TTN: variants seen among roughly 807,000 people sequenced by gnomAD.
The protein encoded by TTN is connectin.
In TTN, 1,525 loss-of-function variants were observed where a neutral mutation model predicts 3,223.0. That is an observed-to-expected ratio of 0.47 (90% CI 0.45 to 0.49). TTN has a LOEUF of 0.49. Ranked by LOEUF, TTN falls within the 20% of genes least tolerant of loss-of-function variation. The pLI, the probability that TTN is intolerant of heterozygous loss-of-function variation, is 0.00. For synonymous variants in TTN, 14,094 were observed against 15,161.0 expected, an observed-to-expected ratio of 0.93 and a Z score of 5.17; for missense variants, 40,786 against 43,424.0, an observed-to-expected ratio of 0.94 and a Z score of 5.40.
intron 112 of TTN, among the ~76,000 whole-genome samples, chr2:178,698,111 A>T (rs1202378197): frequency 6.6e-6 from 1 of 152,230 alleles, no homozygotes; most frequent in African/African-American, 2.4e-5. Flanking sequence ...ATAGAACTGG[A>T]GATTATGCTA....
At chr2:178,702,717 T>C in intron 106 of TTN, 54 bp from the exon 107 acceptor site, 2 of 1,480,496 alleles carry the variant, frequency 1.4e-6, no homozygotes, top group Non-Finnish European at 1.8e-6. Context: ...GGAATTTCTT[T>C]TACTTGCTTT....
In TTN at chr2:178,595,780, G is replaced by C; in HGVS notation, c.57574C>G (p.Leu19192Val). 1.9e-6 allele frequency: 3 copies of C among 1,606,970 alleles called. No individual in the cohort carries two copies. The highest frequency in any genetic ancestry group is 2.5e-6 in the Non-Finnish European group (3 of 1,176,776). Residue 19192 changes from leucine to valine, a missense_variant, in exon 295 of 363, where the codon CTA becomes GTA. By Grantham distance (32) the Leu-to-Val change is conservative. Transcript: ENST00000589042. The part of the protein sequence containing the change: ...DVPGPVGTPF[L>V]AHNLTNESCK... Reference sequence around the variant, plus strand: ...GACTCATTGGTTAGGTTGTGAGCTAGGAATGGTGTTCCAACGGGACCTGGA... The same window carrying C: ...GACTCATTGGTTAGGTTGTGAGCTACGAATGGTGTTCCAACGGGACCTGGA...
rs1691894622 is a variant in TTN at position 178,536,994 on chromosome 2, A to G, written c.100115T>C (p.Phe33372Ser). The G allele has an allele frequency of 1.9e-6, 3 of 1,613,422 alleles. No homozygotes were observed. Among genetic ancestry groups the G allele is most frequent in the Non-Finnish European group, 2.5e-6 (3 of 1,179,606 alleles). The change falls in exon 356 of 363, where the codon TTC (phenylalanine) becomes TCC (serine). Residue 33372 changes from phenylalanine to serine, a missense_variant. Phe to Ser is a radical substitution (Grantham distance 155, BLOSUM62 -2). Coordinates refer to ENST00000589042, the MANE Select transcript of TTN (RefSeq NM_001267550.2). ...YYFRVSAQNT[F>S]GISDPLEVSS... ...CACTTCTAGAGGGTCACTGATGCCG[A>G]AAGTGTTCTGAGCTGAAACCCGGAA...
At position 178,739,668 on chromosome 2, in the gene TTN, G is replaced by A; in HGVS notation, c.13565C>T (p.Pro4522Leu). 3 of 1,613,814 alleles carry A rather than the reference G, an allele frequency of 1.9e-6. No individual in the cohort carries two copies. Among genetic ancestry groups the A allele is most frequent in the Non-Finnish European group, 2.5e-6 (3 of 1,179,824 alleles). ...GSQKVEPITE[P>L]EVESKYLIST... Reference sequence around the variant, plus strand: ...GATCAGATATTTAGATTCAACTTCTGGTTCAGTAATGGGTTCAACCTTCTG... The same window carrying A: ...GATCAGATATTTAGATTCAACTTCTAGTTCAGTAATGGGTTCAACCTTCTG... Residue 4522 changes from proline to leucine, a missense_variant, in exon 48 of 363, where the codon CCA (proline) becomes CTA (leucine). Physicochemically the swap from Pro to Leu is moderately conservative, Grantham distance 98 (BLOSUM62 -3). Coordinates refer to ENST00000589042, the MANE Select transcript of TTN (RefSeq NM_001267550.2).
chr2:178,552,824 T>G lies in TTN; in HGVS notation c.90076A>C (p.Lys30026Gln). The change falls in exon 335 of 363, where the codon AAG (lysine) becomes CAG (glutamine). Residue 30026 changes from lysine (K) to glutamine (Q), a missense_variant. Physicochemically the swap from Lys to Gln is moderately conservative, Grantham distance 53. Coordinates refer to ENST00000589042, the MANE Select transcript of TTN (RefSeq NM_001267550.2). ...GEPCETTEPV[K>Q]AAEVPAPIRD... Reference sequence around the variant, plus strand: ...ATAGGAGCTGGTACTTCAGCAGCCTTCACTGGCTCTGTAGTTTCACAGGGT... The same window carrying G: ...ATAGGAGCTGGTACTTCAGCAGCCTGCACTGGCTCTGTAGTTTCACAGGGT... 1 of 1,613,728 alleles carries G rather than the reference T, an allele frequency of 6.2e-7. No homozygotes were observed. The highest frequency in any genetic ancestry group is 1.7e-5 in the Admixed American group (1 of 59,982).
intron 163 of TTN, 121 bp from the exon 164 acceptor site, chr2:178,665,912 C>T (rs563552329): frequency 6.8e-6 from 3 of 438,076 alleles, no homozygotes; most frequent in African/African-American, 2.0e-5. Context: ...CCCCCAGAAT[C>T]GGATCTTTTG....
rs952349890 is a variant in TTN, at chr2:178,541,724, C to T, written c.97493-140G>A. The T allele has an allele frequency of 4.6e-5, 24 of 525,256 alleles. No individual in the cohort carries two copies. The Admixed American group carries it at 8.3e-4, about 18-fold the overall frequency. 32.5% of individuals were successfully genotyped at this position (525,256 alleles called of 1,614,324 possible). A position where few individuals can be genotyped will look rare whatever the true frequency, so the allele number is the denominator to read the frequency against. The stretch of plus-strand genomic sequence containing the variant: ...CATGACTATTTTTCCAATAGTTTCA[C>T]TTTTGTACTATTTGTAAATTTTAAT... On this transcript the variant is annotated intron_variant, in intron 349 of 362. Coordinates refer to ENST00000589042, the MANE Select transcript of TTN (RefSeq NM_001267550.2).
chr2:178,592,055 C>A lies in TTN; in HGVS notation c.59849G>T (p.Arg19950Leu), dbSNP rs374914334. ...HLNEGNQYLF[R>L]VAAENQYGRG... is the part of the protein sequence containing the mutation. ...TCCATACTGGTTCTCCGCAGCTACT[C>A]GGAAGAGGTACTGGTTGCCTTCATT... The change falls in exon 302 of 363, where the codon CGA becomes CTA. Residue 19950 changes from arginine (R) to leucine (L), a missense_variant. Physicochemically the swap from Arg to Leu is moderately radical, Grantham distance 102. Coordinates refer to ENST00000589042, the MANE Select transcript of TTN (RefSeq NM_001267550.2). 1 of 1,613,050 alleles carries A rather than the reference C, an allele frequency of 6.2e-7. No homozygotes were observed. The highest frequency in any genetic ancestry group is 1.1e-5 in the South Asian group (1 of 91,042).
chr2:178,751,659 G>C (rs1309005308), intron 47 of TTN: 1 of 1,613,246 alleles, frequency 6.2e-7, no homozygotes, highest in Non-Finnish European at 8.5e-7. Flanking sequence ...TTAATTGCTA[G>C]TAACCTATAA....
In TTN at chr2:178,692,042, T is replaced by C. The variant is rs1376703360; in HGVS notation, c.31736A>G (p.Lys10579Arg). ...TTTTGGGGGAGCAGCAGGTTCCTTC[T>C]TAGGCACAGGAACTGGCTTTTTCTC... ...PEEKKPVPVP[K>R]KEPAAPPKVP... Residue 10579 changes from lysine (K) to arginine (R), a missense_variant, in exon 121 of 363, where the codon AAG becomes AGG. Lys to Arg is a conservative substitution (Grantham distance 26). Coordinates refer to ENST00000589042, the MANE Select transcript of TTN (RefSeq NM_001267550.2). The C allele has an allele frequency of 1.9e-6, 3 of 1,613,190 alleles. No homozygotes were observed. In the East Asian group the frequency reaches 6.7e-5, roughly 36 times the overall value.
At position 178,712,329 on chromosome 2, in the gene TTN, T is replaced by C. The variant is rs368297438; in HGVS notation, c.27593A>G (p.Gln9198Arg). Reference protein sequence around the residue: ...NASGKDSCSAQILILEPPYFV... With the variant: ...NASGKDSCSARILILEPPYFV... The stretch of plus-strand genomic sequence containing the variant: ...TCATGACAAACCTAGTATGAGTATT[T>C]GTGCTGAACAGGAATCTTTTCCAGA... Residue 9198 changes from glutamine (Q) to arginine (R), a missense_variant, in exon 95 of 363, where the codon CAA becomes CGA. Coordinates refer to ENST00000589042, the MANE Select transcript of TTN (RefSeq NM_001267550.2). 59 of 1,613,412 alleles carry C rather than the reference T, an allele frequency of 3.7e-5. No homozygotes were observed. The African/African-American group carries it at 7.5e-4, about 20-fold the overall frequency.
rs769472573 is a variant in TTN, at chr2:178,602,073, C to T, written c.55198G>A (p.Ala18400Thr). 32 of 1,612,740 alleles carry T rather than the reference C, an allele frequency of 2.0e-5. 1 individual carries two copies. In the South Asian group the frequency reaches 3.5e-4, roughly 18 times the overall value. ...CKAGSQIRIPAVIKGRPTPKS... is the reference protein window; with the variant it reads ...CKAGSQIRIPTVIKGRPTPKS... ...GGTGTTGGGCGTCCCTTGATGACAGCAGGAATCCTAATCTGTGAGCCAGCT... is the reference window on the plus strand; with the variant it reads ...GGTGTTGGGCGTCCCTTGATGACAGTAGGAATCCTAATCTGTGAGCCAGCT... Residue 18400 changes from alanine (A) to threonine (T), a missense_variant, in exon 284 of 363, where the codon GCT (alanine) becomes ACT (threonine). Transcript: ENST00000589042.
chr2:178,770,013 A>G (rs2091236425), intron 36 of TTN, 47 bp downstream of exon 36: 2 of 1,614,062 alleles, frequency 1.2e-6, no homozygotes, highest in African/African-American at 1.3e-5. Context: ...AAATAGATAC[A>G]TGGGGTTCAT....
chr2:178,788,528 T>C (rs186521638), intron 13 of TTN, among the ~76,000 whole-genome samples: 1 of 152,150 alleles, frequency 6.6e-6, no homozygotes, highest in South Asian at 2.1e-4. Flanking sequence ...AAAAAAAAGA[T>C]GTAGAGTCAG....
At chr2:178,644,973 GA>G (rs1371672278) in intron 217 of TTN, 1 of 218,314 alleles carries the variant, frequency 4.6e-6, no homozygotes, top group Non-Finnish European at 9.0e-6. Context: ...AGAGGTGCCA[GA>G]AGGTCCCCCT....
chr2:178,736,823 A>G (rs2081533233), intron 49 of TTN, among the ~76,000 whole-genome samples: 1 of 152,202 alleles, frequency 6.6e-6, no homozygotes, highest in Non-Finnish European at 1.5e-5. Flanking sequence ...ACCAGAGTGA[A>G]AAGCACTGGT....
At chr2:178,752,025 C>T in intron 47 of TTN, 1 of 1,582,936 alleles carries the variant, frequency 6.3e-7, no homozygotes, top group Non-Finnish European at 8.5e-7. Context: ...TCAGATTCCC[C>T]CTCAGAGAAT....
At position 178,740,404 on chromosome 2, in the gene TTN, T is replaced by C. The variant is rs1186759465; in HGVS notation, c.12829A>G (p.Ser4277Gly). The C allele has an allele frequency of 1.2e-6, 2 of 1,613,136 alleles. No individual in the cohort carries two copies. The highest frequency in any genetic ancestry group is 1.1e-5 in the South Asian group (1 of 90,982). Reference protein sequence around the residue: ...LAEGHVESLQSPDVMISQVNY... With the variant: ...LAEGHVESLQGPDVMISQVNY... ...ACCTGAGAGATCATGACATCAGGAC[T>C]CTGGAGACTCTCCACGTGTCCCTCA... Residue 4277 changes from serine to glycine, a missense_variant, in exon 48 of 363, where the codon AGT (serine) becomes GGT (glycine). Physicochemically the swap from Ser to Gly is moderately conservative, Grantham distance 56 (BLOSUM62 0). Transcript: ENST00000589042.
rs758104098 is a variant in TTN at position 178,709,849 on chromosome 2, G to A, written c.28470C>T (p.Leu9490=). The A allele has an allele frequency of 2.5e-6, 4 of 1,610,140 alleles. No homozygotes were observed. The highest frequency in any genetic ancestry group is 1.7e-4 in the Middle Eastern group (1 of 6,044). Residue 9490 remains leucine, a synonymous_variant, in exon 99 of 363, where the codon CTC becomes CTT. Coordinates refer to ENST00000589042, the MANE Select transcript of TTN (RefSeq NM_001267550.2). ...GTCTTTTAGTGAAACTTGGTGGGAT[G>A]AGCCGCTCTATAAGAAATTGCAAGG... ...CTAQLNIKER[L]IPPSFTKRLS...
Sources: gnomAD v4.1 joint callset for allele counts (sites outside exome capture counted in the v4.1 genomes callset) on GRCh38, gnomAD v4.1.1 for gene constraint, MANE v1.5 for transcripts, NCBI Gene and HGNC (gene_info 2026-07-23, HGNC 2026-07-21) for gene names.